USH2A: variants seen among roughly 807,000 people sequenced by gnomAD.
USH2A encodes usherin, also known as Usher syndrome 2A (autosomal recessive, mild).
In USH2A, 443 loss-of-function variants were observed where a neutral mutation model predicts 538.9. The observed-to-expected ratio is 0.82, with a 90% confidence interval of 0.76 to 0.89. The LOEUF is 0.89. Among genes scored for constraint, USH2A ranks in the 40% least tolerant of loss-of-function variants. USH2A has a pLI of 0.00. For missense variants in USH2A, 6,633 were observed against 6,324.8 expected (o/e 1.05, Z -1.65); for synonymous variants, 2,413 against 2,273.5 (o/e 1.06, Z -1.75).
chr1:216,213,917 A>G (rs2035294671), intron 15 of USH2A, among the ~76,000 whole-genome samples: 1 of 152,084 alleles, frequency 6.6e-6, no homozygotes, highest in Non-Finnish European at 1.5e-5. Flanking sequence ...ATACTTTGCC[A>G]AAAATCACAT....
Position 215,914,572 on chromosome 1 carries a change from T to C in USH2A, c.7301-13667A>G, listed in dbSNP as rs139192896. On this transcript the variant is annotated intron_variant, in intron 38 of 71. Transcript: ENST00000307340. ...TTTATAAACACATTTAAATTTATTG[T>C]CCTAGTTTTTGTTAAGAGCAACCCT... is the stretch of plus-strand genomic sequence containing the variant. Among the ~76,000 whole-genome samples the C allele has an allele frequency of 9.2e-5, 14 of 152,232 alleles. No individual in the cohort carries two copies. In the East Asian group the frequency reaches 2.7e-3, roughly 30 times the overall value.
intron 52 of USH2A, among the ~76,000 whole-genome samples, chr1:215,784,352 C>A (rs1661731009): frequency 6.6e-6 from 1 of 152,182 alleles, no homozygotes; most frequent in African/African-American, 2.4e-5. Context: ...TCTACCTACC[C>A]TCAGATGGTC....
intron 44 of USH2A, among the ~76,000 whole-genome samples, chr1:215,862,489 A>G (rs1031438264): frequency 1.3e-5 from 2 of 152,138 alleles, no homozygotes; most frequent in Admixed American, 6.5e-5. Flanking sequence ...GGTGCAGCAC[A>G]CCAACATGGC....
At chr1:216,142,569 C>T (rs910137442) in intron 21 of USH2A, among the ~76,000 whole-genome samples, 3 of 152,046 alleles carry the variant, frequency 2.0e-5, no homozygotes, top group African/African-American at 4.8e-5. Flanking sequence ...TGTGGGGGTT[C>T]GAAGCAACAT....
intron 55 of USH2A, among the ~76,000 whole-genome samples, chr1:215,768,091 C>T (rs1177700776): frequency 2.0e-5 from 3 of 152,078 alleles, no homozygotes; most frequent in Admixed American, 2.0e-4. Context: ...GTCACTTTGT[C>T]TATTTATGCA....
chr1:215,728,448 G>A lies in USH2A; in HGVS notation c.11712-64C>T, dbSNP rs187968926. On this transcript the variant is annotated intron_variant, in intron 60 of 71. Coordinates refer to ENST00000307340, the MANE Select transcript of USH2A (RefSeq NM_206933.4). ...CACTTCAAAACAAAGTTTGTAGATGGAGTAAAAACATTTTTTTTAGAATTT... is the reference window on the plus strand; with the variant it reads ...CACTTCAAAACAAAGTTTGTAGATGAAGTAAAAACATTTTTTTTAGAATTT... 1.4e-3 allele frequency: 2,071 copies of A among 1,474,696 alleles called. 11 individuals carry two copies. Among genetic ancestry groups the A allele is most frequent in the Admixed American group, 2.0e-3 (110 of 56,288 alleles). The allele number at this position is 1,474,696 out of a possible 1,614,324, so 91.4% of individuals were successfully genotyped here.
intron 38 of USH2A, among the ~76,000 whole-genome samples, chr1:215,914,324 G>C (rs548506041): frequency 2.0e-5 from 3 of 151,788 alleles, no homozygotes; most frequent in Admixed American, 2.0e-4. Flanking sequence ...TTTCCAAGAA[G>C]TTTTCATTTT....
In USH2A at chr1:215,674,458, T is replaced by C; in HGVS notation, c.13453A>G (p.Ile4485Val). The C allele has an allele frequency of 1.2e-6, 2 of 1,614,152 alleles. No individual in the cohort carries two copies. Among genetic ancestry groups the C allele is most frequent in the Non-Finnish European group, 1.7e-6 (2 of 1,180,022 alleles). The change falls in exon 63 of 72, where the codon ATT becomes GTT. Residue 4485 changes from isoleucine (I) to valine (V), a missense_variant. By Grantham distance (29) the Ile-to-Val change is conservative. Transcript: ENST00000307340. Reference protein sequence around the residue: ...RSYELRRDGTIVYTGLETRYR... With the variant: ...RSYELRRDGTVVYTGLETRYR... Reference sequence around the variant, plus strand: ...CGTGTTTCCAAGCCTGTATATACAATGGTTCCATCCCTCCTAAGTTCATAA... The same window carrying C: ...CGTGTTTCCAAGCCTGTATATACAACGGTTCCATCCCTCCTAAGTTCATAA...
intron 38 of USH2A, among the ~76,000 whole-genome samples, chr1:215,926,906 C>T (rs531862893): frequency 5.3e-5 from 8 of 152,140 alleles, no homozygotes; most frequent in East Asian, 3.9e-4. Flanking sequence ...CCGCGCCCAG[C>T]CTTACCTACC....
rs573543439 is a variant in USH2A, at chr1:215,742,954, C to A, written c.11548+223G>T. ...CCTTATAAAACAAGACTTTGCAAAA[C>A]CACCATTTTAATATATTTAAATATT... On this transcript the variant is annotated intron_variant, in intron 59 of 71. Transcript: ENST00000307340. 6.6e-5 allele frequency among the ~76,000 whole-genome samples: 10 copies of A among 152,194 alleles called. No individual in the cohort carries two copies. In the East Asian group the frequency reaches 1.4e-3, roughly 21 times the overall value.
intron 64 of USH2A, among the ~76,000 whole-genome samples, chr1:215,667,120 G>T (rs1240889415): frequency 6.6e-6 from 1 of 151,990 alleles, no homozygotes; most frequent in Non-Finnish European, 1.5e-5. Context: ...GGTTGCTGGG[G>T]TCCCTTCCCA....
chr1:215,680,126 T>C, intron 62 of USH2A, 23 bp downstream of exon 62: 1 of 1,608,994 alleles, frequency 6.2e-7, no homozygotes, highest in Non-Finnish European at 8.5e-7. Context: ...CAAACATAAT[T>C]TCTTATGCAG....
At chr1:215,858,479 G>A (rs796767015) in intron 44 of USH2A, among the ~76,000 whole-genome samples, 1 of 149,530 alleles carries the variant, frequency 6.7e-6, no homozygotes, top group Non-Finnish European at 1.5e-5. Flanking sequence ...TCCTATGTGT[G>A]CATTCTCTCT....
At chr1:216,355,795 C>G (rs1323854658) in intron 4 of USH2A, among the ~76,000 whole-genome samples, 1 of 151,876 alleles carries the variant, frequency 6.6e-6, no homozygotes, top group Non-Finnish European at 1.5e-5. Flanking sequence ...CTTTTTTTCT[C>G]CCTCACCCTA....
At chr1:216,082,415 T>C (rs139349069) in intron 26 of USH2A, among the ~76,000 whole-genome samples, 192 of 150,578 alleles carry the variant, frequency 1.3e-3, no homozygotes, top group African/African-American at 4.6e-3. Context: ...GGGATAAATT[T>C]CCATTTCCCT....
intron 38 of USH2A, among the ~76,000 whole-genome samples, chr1:215,906,862 T>C: frequency 6.6e-6 from 1 of 152,052 alleles, no homozygotes. Flanking sequence ...GGAACTGATA[T>C]TTGACCATAG....
chr1:215,948,732 AT>A (rs1405414294), intron 37 of USH2A, among the ~76,000 whole-genome samples: 3 of 151,870 alleles, frequency 2.0e-5, no homozygotes, highest in Admixed American at 2.0e-4. Flanking sequence ...CACCTATCTA[AT>A]TTTTTTCTAA....
At chr1:215,843,199 A>C (rs916554615) in intron 46 of USH2A, among the ~76,000 whole-genome samples, 1 of 152,124 alleles carries the variant, frequency 6.6e-6, no homozygotes, top group Non-Finnish European at 1.5e-5. Flanking sequence ...ACCAGTAAAA[A>C]GTTTCTGTGG....
intron 58 of USH2A, among the ~76,000 whole-genome samples, chr1:215,746,649 T>C (rs1237375640): frequency 6.6e-6 from 1 of 152,212 alleles, no homozygotes; most frequent in African/African-American, 2.4e-5. Flanking sequence ...TTTATTTCAG[T>C]TTAATATTAG....
Sources: gnomAD v4.1 joint callset for allele counts (sites outside exome capture counted in the v4.1 genomes callset) on GRCh38, gnomAD v4.1.1 for gene constraint, MANE v1.5 for transcripts, NCBI Gene and HGNC (gene_info 2026-07-23, HGNC 2026-07-21) for gene names.